Variants in DKK2 observed in about 807,000 individuals in gnomAD.
DKK2 encodes dickkopf-related protein 2.
DKK2 carries 11 observed loss-of-function variants against 28.1 expected under a neutral mutation model. The ratio of observed to expected loss-of-function variants is 0.39; its 90% confidence interval spans 0.25 to 0.65. DKK2 has a LOEUF of 0.65. Ranked by LOEUF, DKK2 falls within the 30% of genes least tolerant of loss-of-function variation. The pLI is 0.47. For missense variants in DKK2, 326 were observed against 335.5 expected, an observed-to-expected ratio of 0.97 and a Z score of 0.22; for synonymous variants, 135 against 126.5, an observed-to-expected ratio of 1.07 and a Z score of -0.45.
rs183218351 is a variant in DKK2 at position 107,014,143 on chromosome 4, T to A, written c.222+21227A>T. On this transcript the variant is annotated intron_variant, in intron 1 of 3. Coordinates refer to ENST00000285311, the MANE Select transcript of DKK2 (RefSeq NM_014421.3). ...CAGCAATTCCATTTCTGAGTACATA[T>A]CCAAAAGAACTGAAATCCACATGTC... 1.6e-3 allele frequency among the ~76,000 whole-genome samples: 246 copies of A among 151,402 alleles called. 3 individuals are homozygous for A. Among genetic ancestry groups the A allele is most frequent in the African/African-American group, 5.8e-3 (242 of 41,438 alleles).
At chr4:107,013,467 G>T (rs896590551) in intron 1 of DKK2, among the ~76,000 whole-genome samples, 7 of 151,362 alleles carry the variant, frequency 4.6e-5, no homozygotes, top group African/African-American at 1.7e-4. Flanking sequence ...AATAAATGGT[G>T]CTGGGAAAAC....
intron 1 of DKK2, among the ~76,000 whole-genome samples, chr4:106,991,912 T>C (rs1006387398): frequency 3.3e-5 from 5 of 152,182 alleles, no homozygotes; most frequent in African/African-American, 1.2e-4. Flanking sequence ...TGCACCTGGA[T>C]CTTCACTGCA....
chr4:106,957,985 AAT>A (rs1265821069), intron 1 of DKK2, among the ~76,000 whole-genome samples: 4 of 150,946 alleles, frequency 2.6e-5, no homozygotes, highest in Non-Finnish European at 5.9e-5. Context: ...CAAGAGTAAT[AAT>A]TCTTTAGAAA....
intron 1 of DKK2, among the ~76,000 whole-genome samples, chr4:106,962,530 TGTGTGTGTGTGTGTGTGTGTGTGA>T (rs1722706841): frequency 7.7e-6 from 1 of 129,596 alleles, no homozygotes; most frequent in African/African-American, 3.2e-5. Context: ...TGTGTGTGTG[TGTGTGTGTGTGTGTGTGTGTGTGA>T]ATGCAGAAGA....
chr4:107,004,680 C>A (rs796330956), intron 1 of DKK2, among the ~76,000 whole-genome samples: 2 of 152,234 alleles, frequency 1.3e-5, no homozygotes. Flanking sequence ...GAATATATTA[C>A]CTTACGTGGC....
chr4:106,939,568 A>G (rs1724659111), intron 1 of DKK2, among the ~76,000 whole-genome samples: 1 of 152,216 alleles, frequency 6.6e-6, no homozygotes, highest in African/African-American at 2.4e-5. Flanking sequence ...CATCCCCATC[A>G]AGCTACCAAT....
chr4:107,022,143 T>A (rs1723706594), intron 1 of DKK2, among the ~76,000 whole-genome samples: 1 of 152,094 alleles, frequency 6.6e-6, no homozygotes, highest in Admixed American at 6.6e-5. Flanking sequence ...CATCAAGTTG[T>A]CCAATTCTAA....
At chr4:106,949,864 T>C (rs775628255) in intron 1 of DKK2, among the ~76,000 whole-genome samples, 2 of 152,116 alleles carry the variant, frequency 1.3e-5, no homozygotes, top group Admixed American at 6.6e-5. Flanking sequence ...ACCAAACACC[T>C]AGACAGAACA....
chr4:107,022,179 A>G (rs1723706818), intron 1 of DKK2, among the ~76,000 whole-genome samples: 1 of 152,134 alleles, frequency 6.6e-6, no homozygotes, highest in African/African-American at 2.4e-5. Context: ...AGAATCAAGA[A>G]CTAGACAATT....
At chr4:106,934,087 ATATG>A (rs1386617799) in intron 1 of DKK2, among the ~76,000 whole-genome samples, 2 of 151,678 alleles carry the variant, frequency 1.3e-5, no homozygotes, top group African/African-American at 4.8e-5. Context: ...ACACACACAC[ATATG>A]TATGTATAAA....
At chr4:106,982,727 GGA>G (rs1047123331) in intron 1 of DKK2, among the ~76,000 whole-genome samples, 4 of 151,684 alleles carry the variant, frequency 2.6e-5, no homozygotes, top group Non-Finnish European at 5.9e-5. Context: ...GTAAAGCAGA[GGA>G]GAGAGAGAGA....
At chr4:107,001,553 C>G (rs1266373181) in intron 1 of DKK2, among the ~76,000 whole-genome samples, 1 of 152,130 alleles carries the variant, frequency 6.6e-6, no homozygotes, top group Non-Finnish European at 1.5e-5. Context: ...AAAACGAGTA[C>G]TCTTTAAATA....
chr4:106,990,453 C>A (rs535782979), intron 1 of DKK2, among the ~76,000 whole-genome samples: 1 of 152,292 alleles, frequency 6.6e-6, no homozygotes, highest in South Asian at 2.1e-4. Flanking sequence ...TTGAGATACA[C>A]AACCAACCTA....
In DKK2 at chr4:107,035,567, C is replaced by G. The variant is rs928657528; in HGVS notation, c.25G>C (p.Asp9His). The stretch of plus-strand genomic sequence containing the variant: ...AGTAGGAGCAGGCAGCAGGACGAAT[C>G]CTTGCTCCGCATCAACGCGGCCATC... MAALMRSK[D>H]SSCCLLLLAA... The change falls in exon 1 of 4, where the codon GAT (aspartate) becomes CAT (histidine). Residue 9 changes from aspartate (D) to histidine (H), a missense_variant. Asp to His is a moderately conservative substitution (Grantham distance 81). Coordinates refer to ENST00000285311, the MANE Select transcript of DKK2 (RefSeq NM_014421.3). The G allele has an allele frequency of 6.2e-7, 1 of 1,614,054 alleles. No individual in the cohort carries two copies. The highest frequency in any genetic ancestry group is 8.5e-7 in the Non-Finnish European group (1 of 1,180,024).
chr4:106,935,257 C>T lies in DKK2; in HGVS notation c.223-9308G>A, dbSNP rs546356446. Among the ~76,000 whole-genome samples the T allele has an allele frequency of 3.9e-4, 59 of 152,150 alleles. No homozygotes were observed. The East Asian group carries it at 4.7e-3, about 12-fold the overall frequency. ...CAGTGGGCACAGGTCAGTGGGTGCG[C>T]GCACCGTGTGCGAGCCAAAGCAGGG... On this transcript the variant is annotated intron_variant, in intron 1 of 3. Coordinates refer to ENST00000285311, the MANE Select transcript of DKK2 (RefSeq NM_014421.3).
At chr4:107,025,979 G>T in intron 1 of DKK2, among the ~76,000 whole-genome samples, 1 of 152,202 alleles carries the variant, frequency 6.6e-6, no homozygotes, top group East Asian at 1.9e-4. Context: ...AGAAGTCAGA[G>T]GATGCAAGTT....
At chr4:106,984,267 T>G (rs1723084795) in intron 1 of DKK2, among the ~76,000 whole-genome samples, 1 of 152,220 alleles carries the variant, frequency 6.6e-6, no homozygotes, top group Non-Finnish European at 1.5e-5. Context: ...TTCACAGTGT[T>G]GTGCAACCAT....
chr4:106,935,159 G>C (rs984319058), intron 1 of DKK2, among the ~76,000 whole-genome samples: 1 of 152,226 alleles, frequency 6.6e-6, no homozygotes, highest in Non-Finnish European at 1.5e-5. Context: ...CTCCCAGCAT[G>C]AGTGAGGCAG....
intron 1 of DKK2, among the ~76,000 whole-genome samples, chr4:107,019,838 T>C (rs1159952057): frequency 3.3e-5 from 5 of 152,048 alleles, no homozygotes; most frequent in African/African-American, 9.7e-5. Context: ...CTTCACTGAG[T>C]ATACAATTCT....
Sources: gnomAD v4.1 joint callset for allele counts (sites outside exome capture counted in the v4.1 genomes callset) on GRCh38, gnomAD v4.1.1 for gene constraint, MANE v1.5 for transcripts, NCBI Gene and HGNC (gene_info 2026-07-23, HGNC 2026-07-21) for gene names.